CHN2: variants seen among roughly 807,000 people sequenced by gnomAD.
CHN2 encodes the protein chimerin 2.
A neutral mutation model predicts 56.3 loss-of-function variants in CHN2; 35 were observed. The ratio of observed to expected loss-of-function variants is 0.62; its 90% CI spans 0.47 to 0.82. The LOEUF (loss-of-function observed/expected upper bound fraction) is 0.82. Ranked by LOEUF, CHN2 falls within the 40% of genes least tolerant of loss-of-function variation. The pLI is 0.00. For synonymous variants in CHN2, 210 were observed against 212.8 expected (o/e 0.99, Z 0.12); for missense variants, 491 against 580.5 (o/e 0.85, Z 1.58).
At chr7:29,223,282 A>G (rs866356116) in intron 1 of CHN2, among the ~76,000 whole-genome samples, 5 of 152,140 alleles carry the variant, frequency 3.3e-5, no homozygotes, top group Admixed American at 6.5e-5. Flanking sequence ...TTCAAACCCT[A>G]TATGATCAGG....
chr7:29,447,982 T>C (rs1445570020), intron 6 of CHN2, among the ~76,000 whole-genome samples: 1 of 152,200 alleles, frequency 6.6e-6, no homozygotes, highest in Non-Finnish European at 1.5e-5. Flanking sequence ...AGCATCCGTA[T>C]TTTTAAGAGC....
chr7:29,385,312 A>T (rs183104595), intron 3 of CHN2, among the ~76,000 whole-genome samples: 7 of 152,332 alleles, frequency 4.6e-5, no homozygotes, highest in African/African-American at 1.7e-4. Context: ...CCTTGGGAAT[A>T]CTTAACAATT....
exon 1 of CHN2, chr7:29,146,600 G>T: frequency 6.5e-7 from 1 of 1,550,352 alleles, no homozygotes; most frequent in South Asian, 1.2e-5. Flanking sequence ...CAGACCCACA[G>T]GGCAAAAAGT....
At chr7:29,434,999 G>C (rs1314619452) in intron 6 of CHN2, among the ~76,000 whole-genome samples, 1 of 152,122 alleles carries the variant, frequency 6.6e-6, no homozygotes, top group Non-Finnish European at 1.5e-5. Flanking sequence ...AGCTGAGTTA[G>C]GAGGATAGCT....
chr7:29,381,748 A>C (rs1399110795), intron 3 of CHN2, among the ~76,000 whole-genome samples: 1 of 141,752 alleles, frequency 7.1e-6, no homozygotes, highest in Admixed American at 7.4e-5. Flanking sequence ...ATTTTGATTT[A>C]ATGGAAATAT....
At chr7:29,411,476 C>T (rs548973432) in intron 6 of CHN2, among the ~76,000 whole-genome samples, 2 of 152,284 alleles carry the variant, frequency 1.3e-5, no homozygotes, top group East Asian at 1.9e-4. Flanking sequence ...AGAGCCACCT[C>T]AGTGTAGGAG....
chr7:29,433,527 G>C (rs112703816), intron 6 of CHN2, among the ~76,000 whole-genome samples: 111 of 152,300 alleles, frequency 7.3e-4, no homozygotes, highest in African/African-American at 2.5e-3. Flanking sequence ...TAGATGTAGA[G>C]TTGCCTGATC....
At chr7:29,459,726 G>T (rs754435809) in intron 6 of CHN2, among the ~76,000 whole-genome samples, 2 of 152,136 alleles carry the variant, frequency 1.3e-5, no homozygotes, top group Non-Finnish European at 2.9e-5. Flanking sequence ...CTGCACCCTA[G>T]CAGGGCTCCT....
intron 1 of CHN2, among the ~76,000 whole-genome samples, chr7:29,210,714 T>C (rs555903223): frequency 1.8e-4 from 27 of 152,128 alleles, no homozygotes; most frequent in Non-Finnish European, 2.8e-4. Context: ...CAGGAAATGC[T>C]GGGGGTAAGG....
chr7:29,298,094 T>C (rs192138972), intron 1 of CHN2, among the ~76,000 whole-genome samples: 22 of 152,240 alleles, frequency 1.4e-4, no homozygotes, highest in Non-Finnish European at 2.8e-4. Flanking sequence ...CTTTCACCTA[T>C]GAAGCAGGGC....
chr7:29,347,445 C>T (rs1249050538), intron 1 of CHN2, among the ~76,000 whole-genome samples: 2 of 152,034 alleles, frequency 1.3e-5, no homozygotes, highest in African/African-American at 4.8e-5. Context: ...GCTGGGGAGG[C>T]CTCAGGAAAC....
upstream of CHN2, among the ~76,000 whole-genome samples, chr7:29,189,888 C>T (rs965638125): frequency 1.3e-5 from 2 of 151,938 alleles, no homozygotes; most frequent in African/African-American, 4.8e-5. Flanking sequence ...CGTCGTGTGC[C>T]GCCACTAGGG....
intron 1 of CHN2, among the ~76,000 whole-genome samples, chr7:29,279,974 C>T (rs1791550524): frequency 6.6e-6 from 1 of 152,088 alleles, no homozygotes; most frequent in Admixed American, 6.6e-5. Flanking sequence ...CAAGAGGCCC[C>T]TAGGTGAGAA....
chr7:29,394,434 T>C (rs546367584), intron 4 of CHN2, among the ~76,000 whole-genome samples: 2 of 152,326 alleles, frequency 1.3e-5, no homozygotes, highest in South Asian at 2.1e-4. Context: ...AACGTCTCTT[T>C]TGAGTCTACC....
Position 29,513,413 on chromosome 7 carries a change from A to T in CHN2, c.*678A>T, listed in dbSNP as rs1018018196. 3 of 152,588 alleles carry T rather than the reference A, an allele frequency of 2.0e-5. No homozygotes were observed. The highest frequency in any genetic ancestry group is 7.2e-5 in the African/African-American group (3 of 41,454). The allele number at this position is 152,588 out of a possible 1,614,324, so 9.5% of individuals were successfully genotyped here. ...GGCATTCTTCTATTGTATGGTATGT[A>T]TTTATAGCAATTGTAGGATGGTCTG... On this transcript the variant is annotated 3_prime_UTR_variant, in exon 13 of 13. Coordinates refer to ENST00000222792, the MANE Select transcript of CHN2 (RefSeq NM_004067.4).
upstream of CHN2, among the ~76,000 whole-genome samples, chr7:29,190,130 C>G (rs1351403032): frequency 6.6e-6 from 1 of 152,238 alleles, no homozygotes; most frequent in Admixed American, 6.5e-5. Flanking sequence ...AATGCGTTCT[C>G]TTTCTCAGGA....
intron 2 of CHN2, among the ~76,000 whole-genome samples, chr7:29,357,054 A>G (rs1035426790): frequency 1.3e-5 from 2 of 152,240 alleles, no homozygotes; most frequent in Non-Finnish European, 2.9e-5. Context: ...ACCTTGGGCC[A>G]CCCAGTAACA....
At chr7:29,298,483 A>T (rs1202375698) in intron 1 of CHN2, among the ~76,000 whole-genome samples, 1 of 152,200 alleles carries the variant, frequency 6.6e-6, no homozygotes, top group African/African-American at 2.4e-5. Context: ...ATAGAAAAGG[A>T]TGTCTTGTGA....
At chr7:29,505,301 C>T (rs1227060447) in intron 10 of CHN2, among the ~76,000 whole-genome samples, 1 of 152,206 alleles carries the variant, frequency 6.6e-6, no homozygotes, top group African/African-American at 2.4e-5. Flanking sequence ...TGGGACCCAA[C>T]TTGAAGACTC....
Sources: allele counts gnomAD v4.1 joint callset (sites outside exome capture counted in the v4.1 genomes callset), GRCh38; gene constraint gnomAD v4.1.1; transcripts MANE v1.5; gene names NCBI Gene and HGNC (gene_info 2026-07-23, HGNC 2026-07-21).